The following NDUFS7 variants were observed in gnomAD, a reference collection of about 807,000 sequenced individuals.
NDUFS7 encodes the protein NADH:ubiquinone oxidoreductase core subunit S7.
NDUFS7 carries 11 observed loss-of-function variants against 31.1 expected under a neutral mutation model. The observed-to-expected ratio is 0.35, with a 90% CI of 0.22 to 0.59. The LOEUF is 0.59. Among genes scored for constraint, NDUFS7 ranks in the 20% least tolerant of loss-of-function variants. NDUFS7 has a pLI of 0.79. For missense variants in NDUFS7, 263 were observed against 324.2 expected (o/e 0.81, Z 1.45); for synonymous variants, 136 against 127.9 (o/e 1.06, Z -0.43).
chr19:1,390,507 A>T, intron 4 of NDUFS7: 1 of 379,238 alleles, frequency 2.6e-6, no homozygotes, highest in Non-Finnish European at 4.9e-6. Context: ...ACCCAGATCT[A>T]GTTAACGCAG....
chr19:1,391,952 G>GA (rs969067285), intron 6 of NDUFS7: 3 of 150,564 alleles, frequency 2.0e-5, no homozygotes, highest in African/African-American at 7.4e-5. Context: ...AGGTTCAAGC[G>GA]ATTCTCCTGC....
At chr19:1,391,367 C>G (rs535316694) in intron 6 of NDUFS7, among the ~76,000 whole-genome samples, 2 of 152,294 alleles carry the variant, frequency 1.3e-5, no homozygotes, top group South Asian at 4.1e-4. Context: ...CTCCCATCCA[C>G]CCCCACGCAG....
Position 1,387,857 on chromosome 19 carries a change from T to A in NDUFS7, c.53+10T>A. ...GGATCCTTGGTCTGCGGTGAGTGCCTGAGTCTCCAGCCCTCAGCTGGGAGG... is the reference window on the plus strand; with the variant it reads ...GGATCCTTGGTCTGCGGTGAGTGCCAGAGTCTCCAGCCCTCAGCTGGGAGG... On this transcript the variant is annotated intron_variant, in intron 2 of 7. Transcript: ENST00000233627. 1 of 1,490,954 alleles carries A rather than the reference T, an allele frequency of 6.7e-7. No individual in the cohort carries two copies. The allele number at this position is 1,490,954 out of a possible 1,614,324, so 92.4% of individuals were successfully genotyped here.
intron 1 of NDUFS7, 179 bp downstream of exon 1, chr19:1,384,121 T>C (rs1423951433): frequency 5.9e-6 from 4 of 678,362 alleles, no homozygotes; most frequent in South Asian, 2.2e-5. Context: ...GTCGCCGTTA[T>C]TGCGTCCAGA....
At chr19:1,391,279 T>G in intron 6 of NDUFS7, 114 bp downstream of exon 6, 823 of 1,245,386 alleles carry the variant, frequency 6.6e-4, no homozygotes, top group Non-Finnish European at 8.6e-4. Context: ...TCCCACGTGG[T>G]CCCGGCGCTG....
chr19:1,394,381 A>G, intron 7 of NDUFS7: 1 of 1,289,234 alleles, frequency 7.8e-7, no homozygotes, highest in South Asian at 1.2e-5. Flanking sequence ...CAATGGGGCA[A>G]GTTGCGAGTG....
Position 1,392,853 on chromosome 19 carries a change from C to T in NDUFS7, c.456-389C>T, listed in dbSNP as rs2082566543. The T allele has an allele frequency of 9.2e-6, 3 of 324,554 alleles. No homozygotes were observed. The East Asian group carries it at 2.4e-4, about 25-fold the overall frequency. The allele number at this position is 324,554 out of a possible 1,614,324, so 20.1% of individuals were successfully genotyped here. A position where few individuals can be genotyped will look rare whatever the true frequency, so the allele number is the denominator to read the frequency against. On this transcript the variant is annotated intron_variant, in intron 6 of 7. Coordinates refer to ENST00000233627, the MANE Select transcript of NDUFS7 (RefSeq NM_024407.5). ...CCCTGCCCCGGGTGGACCCCAGCGCCTCACTGACAGAGCCGGAATCAGGCG... is the reference window on the plus strand; with the variant it reads ...CCCTGCCCCGGGTGGACCCCAGCGCTTCACTGACAGAGCCGGAATCAGGCG...
At chr19:1,388,083 C>T in intron 2 of NDUFS7, 2 of 624,948 alleles carry the variant, frequency 3.2e-6, no homozygotes, top group Admixed American at 4.8e-5. Context: ...GGGCCCGGCT[C>T]AGTGCCGTCA....
In NDUFS7 at chr19:1,388,979, C is replaced by T. The variant is rs749010384; in HGVS notation, c.228+41C>T. On this transcript the variant is annotated intron_variant, in intron 4 of 7. Transcript: ENST00000233627. Reference sequence around the variant, plus strand: ...TGTAGGCCCTCCTCGAGCGCCAGGGCCTCTCTGCACACTCACAGGCACACA... The same window carrying T: ...TGTAGGCCCTCCTCGAGCGCCAGGGTCTCTCTGCACACTCACAGGCACACA... 1.5e-5 allele frequency: 22 copies of T among 1,504,784 alleles called. No individual in the cohort carries two copies. The South Asian group carries it at 2.4e-4, about 16-fold the overall frequency. The allele number at this position is 1,504,784 out of a possible 1,614,324, so 93.2% of individuals were successfully genotyped here. A position where few individuals can be genotyped will look rare whatever the true frequency, so the allele number is the denominator to read the frequency against.
Position 1,393,112 on chromosome 19 carries a change from C to T in NDUFS7, c.456-130C>T, listed in dbSNP as rs150993289. On this transcript the variant is annotated intron_variant, in intron 6 of 7. Transcript: ENST00000233627. This position sits in a 1 kb window ranked among gnomAD's most constrained non-coding sequence, Gnocchi z 7.3. The stretch of plus-strand genomic sequence containing the variant: ...TGTGCGTGTTTGCTCATTGCTTCTC[C>T]GTGACAAGTTCCAGCCTCGTAGGTG... The T allele has an allele frequency of 7.7e-4, 553 of 718,100 alleles. 8 individuals carry two copies. The highest frequency in any genetic ancestry group is 4.8e-3 in the African/African-American group (272 of 57,236). 44.5% of individuals were successfully genotyped at this position (718,100 alleles called of 1,614,324 possible).
At chr19:1,385,397 G>A (rs966987548) in intron 1 of NDUFS7, among the ~76,000 whole-genome samples, 1 of 151,578 alleles carries the variant, frequency 6.6e-6, no homozygotes, top group Non-Finnish European at 1.5e-5. Flanking sequence ...GCCTGTAATC[G>A]CAGCTACTGG....
chr19:1,388,711 A>G (rs1368316750), intron 3 of NDUFS7, 118 bp downstream of exon 3: 2 of 1,413,062 alleles, frequency 1.4e-6, no homozygotes, highest in African/African-American at 1.4e-5. Context: ...AGGGGGTCAC[A>G]CATCCCAGTC....
At position 1,389,216 on chromosome 19, in the gene NDUFS7, TACAC is replaced by T. The variant is rs200247849; in HGVS notation, c.228+282_228+285del. On this transcript the variant is annotated intron_variant, in intron 4 of 7. Coordinates refer to ENST00000233627, the MANE Select transcript of NDUFS7 (RefSeq NM_024407.5). The stretch of plus-strand genomic sequence containing the variant: ...ACATGTGCACACACGCTTGCACACA[TACAC>T]ACATGCACACTTGCACTCATGCACA... 1,871 of 674,328 alleles carry T rather than the reference TACAC, an allele frequency of 2.8e-3. 15 individuals are homozygous for T. The highest frequency in any genetic ancestry group is 0.017 in the African/African-American group (954 of 56,250). 41.8% of individuals were successfully genotyped at this position (674,328 alleles called of 1,614,324 possible).
At position 1,391,106 on chromosome 19, in the gene NDUFS7, G is replaced by A. The variant is rs769558715; in HGVS notation, c.409-13G>A. The A allele has an allele frequency of 9.3e-6, 15 of 1,612,442 alleles. No individual in the cohort carries two copies. In the Admixed American group the frequency reaches 1.0e-4, roughly 11 times the overall value. On this transcript the variant is annotated splice_polypyrimidine_tract_variant and intron_variant, in intron 5 of 7. Coordinates refer to ENST00000233627, the MANE Select transcript of NDUFS7 (RefSeq NM_024407.5). Reference sequence around the variant, plus strand: ...CCAGAGTGAGCTGCGCACGGACCCCGCCTCTCTTCCAGGTCTACGACCAGA... The same window carrying A: ...CCAGAGTGAGCTGCGCACGGACCCCACCTCTCTTCCAGGTCTACGACCAGA...
chr19:1,393,213 AC>A lies in NDUFS7; in HGVS notation c.456-28del. On this transcript the variant is annotated intron_variant, in intron 6 of 7. Coordinates refer to ENST00000233627, the MANE Select transcript of NDUFS7 (RefSeq NM_024407.5). The surrounding 1 kb of genome is among the most constrained non-coding windows in gnomAD (Gnocchi z 7.3). ...GAGGGTGGGCAGGCGGGTCTTCGGC[AC>A]ACTCCCCTCACGGTGCCTCCCCAAC... is the stretch of plus-strand genomic sequence containing the variant. The A allele has an allele frequency of 6.5e-7, 1 of 1,541,056 alleles. No homozygotes were observed. The highest frequency in any genetic ancestry group is 1.4e-5 in the African/African-American group (1 of 72,950).
intron 4 of NDUFS7, chr19:1,389,530 G>A (rs774836228): frequency 2.2e-5 from 10 of 457,040 alleles, no homozygotes; most frequent in South Asian, 1.1e-4. Context: ...CTCCGTTTCC[G>A]TCATTCTCTT....
At position 1,393,016 on chromosome 19, in the gene NDUFS7, A is replaced by C; in HGVS notation, c.456-226A>C. On this transcript the variant is annotated intron_variant, in intron 6 of 7. Coordinates refer to ENST00000233627, the MANE Select transcript of NDUFS7 (RefSeq NM_024407.5). This position sits in a 1 kb window ranked among gnomAD's most constrained non-coding sequence, Gnocchi z 7.3. ...TGGTCAGGAGCCCCCTCGGGAGGGGAGCACTTTTCCCCGAGTTATCAGCCA... is the reference window on the plus strand; with the variant it reads ...TGGTCAGGAGCCCCCTCGGGAGGGGCGCACTTTTCCCCGAGTTATCAGCCA... The C allele has an allele frequency of 1.7e-6, 1 of 597,234 alleles. No individual in the cohort carries two copies. The highest frequency in any genetic ancestry group is 3.0e-6 in the Non-Finnish European group (1 of 332,928). The allele number at this position is 597,234 out of a possible 1,614,324, so 37.0% of individuals were successfully genotyped here. A position where few individuals can be genotyped will look rare whatever the true frequency, so the allele number is the denominator to read the frequency against.
chr19:1,389,334 CAT>C (rs1467341555), intron 4 of NDUFS7: 5 of 495,384 alleles, frequency 1.0e-5, no homozygotes, highest in African/African-American at 5.8e-5. Flanking sequence ...CACTCACACA[CAT>C]GCACACACGT....
At chr19:1,394,116 G>A (rs1013198615) in intron 7 of NDUFS7, 2 of 339,804 alleles carry the variant, frequency 5.9e-6, no homozygotes, top group East Asian at 1.6e-4. Context: ...CCAGCCCTGA[G>A]TCCCGAGTCT....
Sources: allele counts gnomAD v4.1 joint callset (sites outside exome capture counted in the v4.1 genomes callset), GRCh38; gene constraint gnomAD v4.1.1; non-coding constraint Gnocchi (gnomAD v3.1); transcripts MANE v1.5; gene names NCBI Gene and HGNC (gene_info 2026-07-23, HGNC 2026-07-21).